NTM: variants seen among roughly 807,000 people sequenced by gnomAD.
The protein encoded by NTM is IgLON family member 2.
Under a neutral mutation model 42.1 loss-of-function variants are expected in NTM, and 13 were observed. That is an observed-to-expected ratio of 0.31 (90% CI 0.20 to 0.49). The LOEUF is 0.49. NTM is among the 20% of genes least tolerant of loss of function. The probability of loss-of-function intolerance (pLI) is 0.99; values close to 1 mark genes in which losing one functional copy is unlikely to be tolerated. For synonymous variants in NTM, 187 were observed against 179.2 expected (o/e 1.04, Z -0.35); for missense variants, 373 against 452.8 (o/e 0.82, Z 1.60).
chr11:131,893,215 C>T (rs2051663281), intron 1 of NTM, among the ~76,000 whole-genome samples: 1 of 152,140 alleles, frequency 6.6e-6, no homozygotes, highest in Non-Finnish European at 1.5e-5. Flanking sequence ...GGTGAAGTCC[C>T]TTTGAAATTG....
At chr11:132,197,283 T>A (rs2080381337) in intron 3 of NTM, among the ~76,000 whole-genome samples, 2 of 152,086 alleles carry the variant, frequency 1.3e-5, no homozygotes, top group Admixed American at 1.3e-4. Context: ...GGGCATTAGA[T>A]TTGGTAAGAT....
chr11:131,389,029 G>GAAAAGAAAAGAAAAT (rs1565453042), intron 1 of NTM, among the ~76,000 whole-genome samples: 2 of 126,620 alleles, frequency 1.6e-5, no homozygotes, highest in Non-Finnish European at 3.4e-5. Flanking sequence ...AAAAAAAAAA[G>GAAAAGAAAAGAAAAT]AAAAGAAAAG....
At chr11:132,196,820 G>T (rs1373307852) in intron 3 of NTM, among the ~76,000 whole-genome samples, 1 of 152,086 alleles carries the variant, frequency 6.6e-6, no homozygotes, top group African/African-American at 2.4e-5. Context: ...CTACCTATTG[G>T]TTGCTATGGT....
chr11:132,248,970 A>G (rs1330872803), intron 4 of NTM, among the ~76,000 whole-genome samples: 1 of 152,176 alleles, frequency 6.6e-6, no homozygotes, highest in African/African-American at 2.4e-5. Context: ...GGTGTTTCCC[A>G]TACCAACTCT....
At chr11:131,807,870 G>A (rs1234278244) in intron 1 of NTM, among the ~76,000 whole-genome samples, 1 of 152,218 alleles carries the variant, frequency 6.6e-6, no homozygotes, top group Non-Finnish European at 1.5e-5. Context: ...TCTTCAGATA[G>A]TTTGTGTTGA....
At position 131,789,631 on chromosome 11, in the gene NTM, GAAGAAA is replaced by G. The variant is rs1565552984; in HGVS notation, c.83-121931_83-121926del. 7.1e-5 allele frequency among the ~76,000 whole-genome samples: 6 copies of G among 84,632 alleles called. 1 individual carries two copies. Among genetic ancestry groups the G allele is most frequent in the East Asian group, 3.6e-4 (1 of 2,784 alleles). The allele number at this position is 84,632 out of a possible 152,430, so 55.5% of individuals were successfully genotyped here. Reference sequence around the variant, plus strand: ...AGAAGAAGAAGAAGAAGAAGAAGAAGAAGAAAAGAAGAAGAAGAAGAAGAAGAAGAA... The same window carrying G: ...AGAAGAAGAAGAAGAAGAAGAAGAAGAGAAGAAGAAGAAGAAGAAGAAGAA... On this transcript the variant is annotated intron_variant, in intron 1 of 8. Transcript: ENST00000683400.
intron 2 of NTM, among the ~76,000 whole-genome samples, chr11:132,017,384 A>G (rs2073604036): frequency 6.6e-6 from 1 of 152,012 alleles, no homozygotes; most frequent in Non-Finnish European, 1.5e-5. Flanking sequence ...TGTGTTAAAA[A>G]CAGTCTTTTT....
intron 1 of NTM, among the ~76,000 whole-genome samples, chr11:131,410,653 T>G (rs1946305739): frequency 6.6e-6 from 1 of 152,094 alleles, no homozygotes; most frequent in African/African-American, 2.4e-5. Context: ...TTATGTCGCC[T>G]TAACGGAAGA....
intron 1 of NTM, chr11:131,534,252 G>C (rs1463562901): frequency 6.6e-6 from 1 of 152,216 alleles, no homozygotes; most frequent in African/African-American, 2.4e-5. Context: ...GCCACGACCA[G>C]GCTACTCAGC....
intron 1 of NTM, among the ~76,000 whole-genome samples, chr11:131,627,461 G>T (rs562397610): frequency 6.6e-6 from 1 of 152,192 alleles, no homozygotes; most frequent in South Asian, 2.1e-4. Context: ...CTTGACTATT[G>T]ATGGCCAGGC....
intron 1 of NTM, among the ~76,000 whole-genome samples, chr11:131,774,386 A>G (rs944556589): frequency 6.6e-6 from 1 of 152,114 alleles, no homozygotes; most frequent in African/African-American, 2.4e-5. Flanking sequence ...CAATTAACAT[A>G]CTTTCTTAGG....
At chr11:131,873,440 G>A (rs1337884092) in intron 1 of NTM, among the ~76,000 whole-genome samples, 2 of 151,352 alleles carry the variant, frequency 1.3e-5, no homozygotes. Context: ...ATGATGGGTT[G>A]ATGGGTGCAG....
At chr11:132,037,595 T>C (rs1017289338) in intron 2 of NTM, among the ~76,000 whole-genome samples, 1 of 152,048 alleles carries the variant, frequency 6.6e-6, no homozygotes, top group South Asian at 2.1e-4. Context: ...ACAGAGGTCA[T>C]GGGATGAGGA....
At chr11:131,400,199 G>A (rs1944983728) in intron 1 of NTM, among the ~76,000 whole-genome samples, 1 of 152,064 alleles carries the variant, frequency 6.6e-6, no homozygotes, top group South Asian at 2.1e-4. Flanking sequence ...GAATAGACAG[G>A]ACGTCACCTG....
chr11:131,871,306 G>A (rs1016257332), intron 1 of NTM, among the ~76,000 whole-genome samples: 1 of 152,114 alleles, frequency 6.6e-6, no homozygotes, highest in Non-Finnish European at 1.5e-5. Flanking sequence ...TTTTAACTTT[G>A]TGTTCCTATT....
intron 2 of NTM, among the ~76,000 whole-genome samples, chr11:132,059,956 C>G (rs1054483630): frequency 1.3e-5 from 2 of 152,136 alleles, no homozygotes; most frequent in African/African-American, 4.8e-5. Context: ...GAGGGAGGTG[C>G]CTATTTCTTC....
intron 1 of NTM, among the ~76,000 whole-genome samples, chr11:131,513,918 G>A (rs931557938): frequency 2.0e-5 from 3 of 152,072 alleles, no homozygotes; most frequent in African/African-American, 7.2e-5. Flanking sequence ...AGAAGCAAAT[G>A]TCCCTTCCCA....
At chr11:131,888,434 C>T (rs75038630) in intron 1 of NTM, among the ~76,000 whole-genome samples, 3 of 152,166 alleles carry the variant, frequency 2.0e-5, no homozygotes, top group Non-Finnish European at 4.4e-5. Flanking sequence ...TCTGCCAGCC[C>T]GGATCTCCTG....
At chr11:132,210,355 G>T (rs1027868443) in intron 3 of NTM, among the ~76,000 whole-genome samples, 1 of 152,208 alleles carries the variant, frequency 6.6e-6, no homozygotes, top group African/African-American at 2.4e-5. Context: ...TCTGAGGTTG[G>T]TATGGACACG....
Sources: allele counts gnomAD v4.1 joint callset (sites outside exome capture counted in the v4.1 genomes callset), GRCh38; gene constraint gnomAD v4.1.1; transcripts MANE v1.5; gene names NCBI Gene and HGNC (gene_info 2026-07-23, HGNC 2026-07-21).